PARP4: variants seen among roughly 807,000 people sequenced by gnomAD.
The protein encoded by PARP4 is poly(ADP-ribose) polymerase family member 4, also known as protein mono-ADP-ribosyltransferase PARP4.
In PARP4, 120 loss-of-function variants were observed where a neutral mutation model predicts 187.7. The observed-to-expected ratio is 0.64, with a 90% CI of 0.55 to 0.74. The LOEUF is 0.74. Ranked by LOEUF, PARP4 falls within the 30% of genes least tolerant of loss-of-function variation. The pLI, the probability that PARP4 is intolerant of heterozygous loss-of-function variation, is 0.00. For missense variants in PARP4, 1,836 were observed against 2,070.5 expected (o/e 0.89, Z 2.20); for synonymous variants, 654 against 740.9 (o/e 0.88, Z 1.90).
intron 10 of PARP4, among the ~76,000 whole-genome samples, chr13:24,490,036 C>T (rs1181400411): frequency 6.6e-6 from 1 of 152,164 alleles, no homozygotes; most frequent in Non-Finnish European, 1.5e-5. Context: ...TGGAATGAAC[C>T]ACCAGGTCAA....
At chr13:24,449,912 G>T in intron 24 of PARP4, 95 bp from the exon 25 acceptor site, 1 of 666,984 alleles carries the variant, frequency 1.5e-6, no homozygotes, top group South Asian at 1.9e-5. Context: ...CTCAATAGGA[G>T]AGACATGACG....
rs750185322 is a variant in PARP4, at chr13:24,452,505, A to G, written c.2915T>C (p.Ile972Thr). 1 of 1,613,920 alleles carries G rather than the reference A, an allele frequency of 6.2e-7. No individual in the cohort carries two copies. The highest frequency in any genetic ancestry group is 1.3e-5 in the African/African-American group (1 of 74,882). Residue 972 changes from isoleucine to threonine, a missense_variant, in exon 24 of 34, where the codon ATC (isoleucine) becomes ACC (threonine). Ile to Thr is a moderately conservative substitution (Grantham distance 89, BLOSUM62 -1). Transcript: ENST00000381989. ...LLYPARGSRN[I>T]LLVSDGHLQD... ...GAGGTGCCCATCAGACACCAGGAGG[A>G]TGTTCCGTGACCCTCGAGCAGGGTA... is the stretch of plus-strand genomic sequence containing the variant.
intron 10 of PARP4, 110 bp from the exon 11 acceptor site, chr13:24,486,415 T>C (rs1873559074): frequency 2.8e-6 from 2 of 718,378 alleles, no homozygotes; most frequent in Non-Finnish European, 4.7e-6. Context: ...ATCAGGAAAC[T>C]GATTCAATGA....
intron 28 of PARP4, 92 bp downstream of exon 28, chr13:24,443,558 C>T (rs1184707680): frequency 2.1e-5 from 18 of 867,518 alleles, no homozygotes; most frequent in South Asian, 2.0e-4. Flanking sequence ...CTTCTCCACG[C>T]AGCTGACCTC....
intron 27 of PARP4, among the ~76,000 whole-genome samples, 197 bp downstream of exon 27, chr13:24,446,484 G>A (rs557103012): frequency 2.6e-5 from 4 of 151,370 alleles, no homozygotes; most frequent in Admixed American, 6.6e-5. Flanking sequence ...TAACACTAAC[G>A]ATAGCCGATG....
intron 24 of PARP4, among the ~76,000 whole-genome samples, chr13:24,451,081 A>G (rs1871492843): frequency 6.6e-6 from 1 of 151,992 alleles, no homozygotes; most frequent in Non-Finnish European, 1.5e-5. Flanking sequence ...ACATGGGAAA[A>G]TCCCATCTCC....
chr13:24,475,747 A>G, intron 14 of PARP4, 151 bp from the exon 15 acceptor site: 1 of 796,694 alleles, frequency 1.3e-6, no homozygotes, highest in Non-Finnish European at 2.0e-6. Context: ...CCAATTCTGA[A>G]AAGCAAGTGA....
intron 1 of PARP4, among the ~76,000 whole-genome samples, chr13:24,506,852 G>C (rs965806137): frequency 2.0e-5 from 3 of 152,208 alleles, no homozygotes; most frequent in Admixed American, 1.3e-4. Context: ...CGATGGGACC[G>C]GGCGCCGGCC....
intron 9 of PARP4, 99 bp from the exon 10 acceptor site, chr13:24,490,927 T>C: frequency 9.1e-7 from 1 of 1,104,926 alleles, no homozygotes; most frequent in South Asian, 1.5e-5. Flanking sequence ...GAAAAGTCCA[T>C]TTTCCCCCAA....
At chr13:24,449,201 A>C (rs1871370794) in intron 25 of PARP4, among the ~76,000 whole-genome samples, 1 of 152,244 alleles carries the variant, frequency 6.6e-6, no homozygotes, top group South Asian at 2.1e-4. Flanking sequence ...ATCCTGGCTA[A>C]CACAGTGAAA....
At chr13:24,460,182 C>A in intron 17 of PARP4, 46 bp from the exon 18 acceptor site, 1 of 1,508,354 alleles carries the variant, frequency 6.6e-7, no homozygotes, top group Non-Finnish European at 9.1e-7. Flanking sequence ...AAAGCATACC[C>A]ATTATATGCC....
intron 33 of PARP4, among the ~76,000 whole-genome samples, chr13:24,425,662 G>T: frequency 6.6e-6 from 1 of 151,628 alleles, no homozygotes; most frequent in East Asian, 1.9e-4. Context: ...GGGGTGGGGG[G>T]TCTGTAGGGA....
intron 7 of PARP4, 118 bp from the exon 8 acceptor site, chr13:24,493,851 T>A (rs980223865): frequency 1.1e-6 from 1 of 933,870 alleles, no homozygotes; most frequent in East Asian, 2.5e-5. Context: ...CCCAGGAGAG[T>A]CATCCCCAGC....
intron 12 of PARP4, among the ~76,000 whole-genome samples, chr13:24,483,951 G>A (rs1244420485): frequency 6.6e-6 from 1 of 152,102 alleles, no homozygotes; most frequent in Non-Finnish European, 1.5e-5. Context: ...TTGCTATTAG[G>A]TTTCTATTTA....
intron 11 of PARP4, 61 bp downstream of exon 11, chr13:24,486,107 A>G: frequency 6.8e-7 from 1 of 1,474,358 alleles, no homozygotes; most frequent in South Asian, 1.3e-5. Context: ...GAAAAAAAGA[A>G]GTAAAACACT....
intron 30 of PARP4, among the ~76,000 whole-genome samples, chr13:24,441,637 T>C (rs1192628470): frequency 6.6e-6 from 1 of 152,270 alleles, no homozygotes; most frequent in African/African-American, 2.4e-5. Context: ...TCTCTTTTTG[T>C]ACTATACAGC....
At chr13:24,507,274 C>A (rs1275447706) in intron 1 of PARP4, among the ~76,000 whole-genome samples, 1 of 152,216 alleles carries the variant, frequency 6.6e-6, no homozygotes, top group Non-Finnish European at 1.5e-5. Context: ...TCAAGCGTAG[C>A]CAGAGTGGGC....
chr13:24,455,001 G>T lies in PARP4; in HGVS notation c.2758+16C>A. 6.4e-7 allele frequency: 1 copy of T among 1,555,322 alleles called. No homozygotes were observed. Among genetic ancestry groups the T allele is most frequent in the East Asian group, 2.3e-5 (1 of 43,680 alleles). On this transcript the variant is annotated intron_variant, in intron 22 of 33. Coordinates refer to ENST00000381989, the MANE Select transcript of PARP4 (RefSeq NM_006437.4). Reference sequence around the variant, plus strand: ...TAGGGGAAGCACACGCAGGACCAGGGCCAAAGCGCACTCACCTGTGCCGAA... The same window carrying T: ...TAGGGGAAGCACACGCAGGACCAGGTCCAAAGCGCACTCACCTGTGCCGAA...
At position 24,447,104 on chromosome 13, in the gene PARP4, G is replaced by T; in HGVS notation, c.3197C>A (p.Pro1066His). ...CTGGGCTGGGGCCTGCAGGGCCTCG[G>T]GCACATCTGGATTGAGTTGCTGCCA... The part of the protein sequence containing the change: ...VKWQQLNPDV[P>H]EALQAPAQVP... Residue 1066 changes from proline (P) to histidine (H), a missense_variant, in exon 26 of 34, where the codon CCC becomes CAC. Pro to His is a moderately conservative substitution (Grantham distance 77, BLOSUM62 -2). Coordinates refer to ENST00000381989, the MANE Select transcript of PARP4 (RefSeq NM_006437.4). 1 of 1,613,306 alleles carries T rather than the reference G, an allele frequency of 6.2e-7. No individual in the cohort carries two copies. Among genetic ancestry groups the T allele is most frequent in the African/African-American group, 1.3e-5 (1 of 75,052 alleles).
Sources: gnomAD v4.1 joint callset for allele counts (sites outside exome capture counted in the v4.1 genomes callset) on GRCh38, gnomAD v4.1.1 for gene constraint, MANE v1.5 for transcripts, NCBI Gene and HGNC (gene_info 2026-07-23, HGNC 2026-07-21) for gene names.